Variants in SGCD observed in about 807,000 individuals in gnomAD.
SGCD encodes the protein sarcoglycan delta.
SGCD carries 18 observed loss-of-function variants against 36.6 expected under a neutral mutation model. The ratio of observed to expected loss-of-function variants is 0.49; its 90% confidence interval spans 0.34 to 0.73. The LOEUF (loss-of-function observed/expected upper bound fraction) is 0.73. Ranked by LOEUF, SGCD falls within the 30% of genes least tolerant of loss-of-function variation. The pLI is 0.01. For synonymous variants in SGCD, 133 were observed against 130.6 expected (o/e 1.02, Z -0.12); for missense variants, 387 against 346.7 (o/e 1.12, Z -0.92).
intron 3 of SGCD, among the ~76,000 whole-genome samples, chr5:156,171,560 G>A (rs530701420): frequency 2.0e-5 from 3 of 152,130 alleles, no homozygotes; most frequent in African/African-American, 4.8e-5. Context: ...ACATTGTTAC[G>A]GTAACATTTT....
intron 3 of SGCD, among the ~76,000 whole-genome samples, chr5:156,465,393 C>G (rs1378590487): frequency 3.3e-5 from 5 of 152,208 alleles, no homozygotes; most frequent in South Asian, 2.1e-4. Flanking sequence ...AATTGATATA[C>G]CTTGTTAACT....
upstream of SGCD, among the ~76,000 whole-genome samples, chr5:155,867,418 A>G (rs1755544303): frequency 6.6e-6 from 1 of 152,212 alleles, no homozygotes; most frequent in Non-Finnish European, 1.5e-5. Flanking sequence ...ACAGAGACTG[A>G]TGATATCTGG....
chr5:156,198,775 A>G (rs980169009), intron 3 of SGCD, among the ~76,000 whole-genome samples: 4 of 152,120 alleles, frequency 2.6e-5, no homozygotes, highest in African/African-American at 9.7e-5. Context: ...CCTGTGCTTC[A>G]AATTTCAGGG....
At chr5:156,087,714 A>G (rs1388338479) in intron 1 of SGCD, among the ~76,000 whole-genome samples, 1 of 151,402 alleles carries the variant, frequency 6.6e-6, no homozygotes, top group Non-Finnish European at 1.5e-5. Flanking sequence ...ACATTTTGCC[A>G]CTTATCAGAG....
At chr5:156,412,091 T>C (rs548175704) in intron 3 of SGCD, among the ~76,000 whole-genome samples, 1 of 152,336 alleles carries the variant, frequency 6.6e-6, no homozygotes, top group Non-Finnish European at 1.5e-5. Context: ...CTTGATAGAA[T>C]GTTTGTTCCA....
At chr5:156,075,944 C>G (rs985982803) in intron 1 of SGCD, among the ~76,000 whole-genome samples, 3 of 152,138 alleles carry the variant, frequency 2.0e-5, no homozygotes, top group African/African-American at 7.2e-5. Context: ...GGCTTCCACA[C>G]AGATGGAATC....
the SGCD span, among the ~76,000 whole-genome samples, chr5:155,854,917 A>G: frequency 1.3e-5 from 2 of 152,196 alleles, no homozygotes; most frequent in Non-Finnish European, 2.9e-5. Context: ...TAGAGAGAGA[A>G]TAAAGAAGCT....
Position 156,590,365 on chromosome 5 carries a change from T to C in SGCD, c.382+1047T>C, listed in dbSNP as rs549615552. On this transcript the variant is annotated intron_variant, in intron 5 of 8. Coordinates refer to ENST00000337851, the MANE Select transcript of SGCD (RefSeq NM_000337.6). ...CATAGCCAGTGGGTGACTTGGACCATCTGCCAATCAAGAAACTCAGGGATT... is the reference window on the plus strand; with the variant it reads ...CATAGCCAGTGGGTGACTTGGACCACCTGCCAATCAAGAAACTCAGGGATT... Among the ~76,000 whole-genome samples the C allele has an allele frequency of 7.9e-5, 12 of 152,200 alleles. No individual in the cohort carries two copies. In the South Asian group the frequency reaches 2.5e-3, roughly 32 times the overall value.
At chr5:155,876,098 T>G (rs1450359806) in intron 1 of SGCD, among the ~76,000 whole-genome samples, 1 of 151,714 alleles carries the variant, frequency 6.6e-6, no homozygotes, top group Non-Finnish European at 1.5e-5. Context: ...GTGCACATTG[T>G]GCAGGTTAGT....
chr5:156,122,009 C>T (rs1026050654), intron 2 of SGCD, among the ~76,000 whole-genome samples: 2 of 152,148 alleles, frequency 1.3e-5, no homozygotes, highest in Non-Finnish European at 2.9e-5. Flanking sequence ...CCAAATACAA[C>T]TAACATTCAT....
At position 156,617,714 on chromosome 5, in the gene SGCD, A is replaced by C. The variant is rs574117124; in HGVS notation, c.502+22663A>C. ...AGCAAATACTCAGCAAAGGTCGTTAACTAGAGCTTCACCCAACAGCACCCA... is the reference window on the plus strand; with the variant it reads ...AGCAAATACTCAGCAAAGGTCGTTACCTAGAGCTTCACCCAACAGCACCCA... On this transcript the variant is annotated intron_variant, in intron 6 of 8. Coordinates refer to ENST00000337851, the MANE Select transcript of SGCD (RefSeq NM_000337.6). Among the ~76,000 whole-genome samples the C allele has an allele frequency of 1.4e-4, 21 of 152,268 alleles. 1 individual carries two copies. Among genetic ancestry groups the C allele is most frequent in the African/African-American group, 4.6e-4 (19 of 41,552 alleles).
intron 1 of SGCD, among the ~76,000 whole-genome samples, chr5:156,046,622 C>T (rs185302487): frequency 3.3e-5 from 5 of 152,022 alleles, no homozygotes; most frequent in South Asian, 4.1e-4. Flanking sequence ...ATTTGGGATG[C>T]GACAGACCCT....
At chr5:155,781,413 T>C in the SGCD span, among the ~76,000 whole-genome samples, 1 of 152,172 alleles carries the variant, frequency 6.6e-6, no homozygotes. Flanking sequence ...GTATGATTCT[T>C]AGTCTATGTC....
At chr5:156,529,830 A>T (rs1354160038) in intron 4 of SGCD, among the ~76,000 whole-genome samples, 3 of 152,224 alleles carry the variant, frequency 2.0e-5, no homozygotes, top group African/African-American at 7.2e-5. Flanking sequence ...ATTAACCATG[A>T]TGTTTTAAAT....
chr5:155,733,811 C>T, the SGCD span, among the ~76,000 whole-genome samples: 2 of 152,054 alleles, frequency 1.3e-5, no homozygotes, highest in South Asian at 4.1e-4. Flanking sequence ...GGTGATTTGA[C>T]TTCATCAAGT....
intron 3 of SGCD, among the ~76,000 whole-genome samples, chr5:156,200,826 G>A (rs368508971): frequency 3.9e-5 from 6 of 152,228 alleles, no homozygotes; most frequent in African/African-American, 1.4e-4. Context: ...TAGCTGATAC[G>A]TGAAAGCAAC....
chr5:156,025,573 A>C (rs1181746539), intron 1 of SGCD, among the ~76,000 whole-genome samples: 5 of 152,154 alleles, frequency 3.3e-5, no homozygotes, highest in Non-Finnish European at 1.5e-5. Flanking sequence ...TTATTCATGG[A>C]GCATCTTAGA....
chr5:156,624,488 G>A (rs1406663150), intron 6 of SGCD, among the ~76,000 whole-genome samples: 1 of 152,150 alleles, frequency 6.6e-6, no homozygotes, highest in Non-Finnish European at 1.5e-5. Context: ...GGCTGAAGCA[G>A]GAGAATGGTG....
At chr5:156,247,362 C>G (rs1221070803) in intron 3 of SGCD, among the ~76,000 whole-genome samples, 1 of 152,122 alleles carries the variant, frequency 6.6e-6, no homozygotes. Context: ...TATTTTAAAG[C>G]AAATTTTGGC....
Sources: gnomAD v4.1 joint callset for allele counts (sites outside exome capture counted in the v4.1 genomes callset) on GRCh38, gnomAD v4.1.1 for gene constraint, MANE v1.5 for transcripts, NCBI Gene and HGNC (gene_info 2026-07-23, HGNC 2026-07-21) for gene names.